ZHX2: variants seen among roughly 807,000 people sequenced by gnomAD.
The protein encoded by ZHX2 is zinc fingers and homeoboxes 2, also known as zinc fingers and homeoboxes protein 2.
A neutral mutation model predicts 21.9 loss-of-function variants in ZHX2; 6 were observed. The observed-to-expected ratio is 0.27, with a 90% CI of 0.15 to 0.54. The LOEUF (loss-of-function observed/expected upper bound fraction) is 0.54, where lower values mean the gene tolerates loss of function less well. Ranked by LOEUF, ZHX2 falls within the 20% of genes least tolerant of loss-of-function variation. The pLI, the probability that ZHX2 is intolerant of heterozygous loss-of-function variation, is 0.95. For synonymous variants in ZHX2, 434 were observed against 437.1 expected, an observed-to-expected ratio of 0.99 and a Z score of 0.09; for missense variants, 908 against 1,090.7, an observed-to-expected ratio of 0.83 and a Z score of 2.36.
chr8:122,816,442 C>CT (rs1818036375), intron 1 of ZHX2: 1 of 138,210 alleles, frequency 7.2e-6, no homozygotes, highest in African/African-American at 2.9e-5. Context: ...AATAATGAAT[C>CT]TATCTTTTTT....
At chr8:122,814,360 T>C (rs1817988775) in intron 1 of ZHX2, among the ~76,000 whole-genome samples, 1 of 152,246 alleles carries the variant, frequency 6.6e-6, no homozygotes, top group Non-Finnish European at 1.5e-5. Context: ...TAGGAGTTCA[T>C]GTTGATATTA....
At chr8:122,921,943 A>G (rs1820751639) in intron 2 of ZHX2, among the ~76,000 whole-genome samples, 2 of 152,212 alleles carry the variant, frequency 1.3e-5, no homozygotes, top group Admixed American at 1.3e-4. Flanking sequence ...GGATTAAAAG[A>G]GAATTGAAGA....
chr8:122,966,549 T>C (rs1445097272), intron 3 of ZHX2, among the ~76,000 whole-genome samples: 1 of 152,362 alleles, frequency 6.6e-6, no homozygotes, highest in Non-Finnish European at 1.5e-5. Context: ...TTTTCCTTTA[T>C]AGGTTACCTG....
intron 1 of ZHX2, among the ~76,000 whole-genome samples, chr8:122,832,629 A>G (rs1034766548): frequency 6.6e-6 from 1 of 152,194 alleles, no homozygotes; most frequent in South Asian, 2.1e-4. Flanking sequence ...TTAGCAGCTT[A>G]GTATAACGGT....
chr8:122,867,393 G>A (rs1402102712), intron 2 of ZHX2, among the ~76,000 whole-genome samples: 1 of 152,176 alleles, frequency 6.6e-6, no homozygotes, highest in East Asian at 1.9e-4. Context: ...CAGGACCTGT[G>A]CTTAGCAGGT....
At chr8:122,838,147 G>C (rs1818545155) in intron 1 of ZHX2, among the ~76,000 whole-genome samples, 1 of 152,246 alleles carries the variant, frequency 6.6e-6, no homozygotes, top group African/African-American at 2.4e-5. Flanking sequence ...TCAGTTTGCA[G>C]AGCAAGGGAA....
chr8:122,843,959 TCACACACACA>T lies in ZHX2; in HGVS notation c.-282-19495_-282-19486del, dbSNP rs3221811. On this transcript the variant is annotated intron_variant, in intron 1 of 3. Transcript: ENST00000314393. ...ACACTTCGCTTTTTGTTCTCACCCT[TCACACACACA>T]CACACACACACACACACACACATCA... is the stretch of plus-strand genomic sequence containing the variant. 1.5e-4 allele frequency among the ~76,000 whole-genome samples: 23 copies of T among 148,936 alleles called. No individual in the cohort carries two copies. The East Asian group carries it at 2.6e-3, about 17-fold the overall frequency.
chr8:122,951,426 GCCTTTCA>G lies in ZHX2; in HGVS notation c.-80_-74del, dbSNP rs1813106310. The G allele has an allele frequency of 8.0e-7, 1 of 1,249,842 alleles. No homozygotes were observed. Among genetic ancestry groups the G allele is most frequent in the East Asian group, 2.5e-5 (1 of 39,482 alleles). 77.4% of individuals were successfully genotyped at this position (1,249,842 alleles called of 1,614,324 possible). A position where few individuals can be genotyped will look rare whatever the true frequency, so the allele number is the denominator to read the frequency against. The stretch of plus-strand genomic sequence containing the variant: ...CATTTGAGGGGGAATAAAGCCAAAA[GCCTTTCA>G]CCTTATTCGTTCCAAGAATCTCACC... On this transcript the variant is annotated 5_prime_UTR_variant, in exon 3 of 4. Coordinates refer to ENST00000314393, the MANE Select transcript of ZHX2 (RefSeq NM_014943.5).
intron 2 of ZHX2, among the ~76,000 whole-genome samples, chr8:122,922,760 T>C (rs1356604302): frequency 6.6e-6 from 1 of 152,216 alleles, no homozygotes; most frequent in South Asian, 2.1e-4. Flanking sequence ...TTGCTCAACA[T>C]CTCTGAGCTT....
intron 2 of ZHX2, among the ~76,000 whole-genome samples, chr8:122,922,891 C>T (rs1820771994): frequency 6.6e-6 from 1 of 152,222 alleles, no homozygotes; most frequent in African/African-American, 2.4e-5. Context: ...AATAGAGATT[C>T]TTTTCCCTTC....
chr8:122,781,294 C>T (rs1043874035), upstream of ZHX2: 1 of 152,254 alleles, frequency 6.6e-6, no homozygotes, highest in Admixed American at 6.5e-5. The surrounding 1 kb of genome is among the most constrained non-coding windows in gnomAD (Gnocchi z 4.6). Context: ...TCAGTGACAC[C>T]TTGAACTTTT....
chr8:122,946,250 G>A (rs1338929213), intron 2 of ZHX2, among the ~76,000 whole-genome samples: 2 of 151,840 alleles, frequency 1.3e-5, no homozygotes, highest in African/African-American at 4.8e-5. Context: ...GGTGGTTCAC[G>A]GGCTTTCAAA....
Position 122,952,305 on chromosome 8 carries a change from C to T in ZHX2, c.795C>T (p.Thr265=). ...VPKVPVPLNT[T]KYNSALDTNA... ...AGGTCCCTGTCCCACTAAATACTAC[C>T]AAATACAACTCTGCCCTGGATACAA... The change falls in exon 3 of 4, where the codon ACC becomes ACT. Residue 265 remains threonine, a synonymous_variant. Coordinates refer to ENST00000314393, the MANE Select transcript of ZHX2 (RefSeq NM_014943.5). The surrounding 1 kb of genome is among the most constrained non-coding windows in gnomAD (Gnocchi z 6.9). The T allele has an allele frequency of 1.2e-6, 2 of 1,614,120 alleles. No individual in the cohort carries two copies. Among genetic ancestry groups the T allele is most frequent in the Non-Finnish European group, 1.7e-6 (2 of 1,180,030 alleles).
chr8:122,799,352 A>G (rs1006643232), intron 1 of ZHX2, among the ~76,000 whole-genome samples: 1 of 152,170 alleles, frequency 6.6e-6, no homozygotes, highest in Admixed American at 6.5e-5. Context: ...CTAAGTAGCC[A>G]TGGAACCTGG....
chr8:122,925,306 G>A (rs537143811), intron 2 of ZHX2, among the ~76,000 whole-genome samples: 33 of 152,308 alleles, frequency 2.2e-4, no homozygotes, highest in Admixed American at 8.5e-4. Flanking sequence ...GATAGGCAGC[G>A]TAGAGGAGGA....
At chr8:122,824,453 G>A (rs140842065) in intron 1 of ZHX2, among the ~76,000 whole-genome samples, 255 of 152,276 alleles carry the variant, frequency 1.7e-3, no homozygotes, top group African/African-American at 5.9e-3. Context: ...AAATTCTACC[G>A]AACATGCTCG....
intron 2 of ZHX2, among the ~76,000 whole-genome samples, chr8:122,943,527 A>G (rs1812897517): frequency 6.6e-6 from 1 of 152,174 alleles, no homozygotes; most frequent in African/African-American, 2.4e-5. Context: ...TTGTTGGGGA[A>G]TTGATTAAGG....
At chr8:122,937,634 C>T (rs1812731729) in intron 2 of ZHX2, among the ~76,000 whole-genome samples, 1 of 151,088 alleles carries the variant, frequency 6.6e-6, no homozygotes. Context: ...GGCTGGAGTG[C>T]TGTGGCGCTG....
intron 2 of ZHX2, among the ~76,000 whole-genome samples, chr8:122,904,755 T>A (rs527446980): frequency 6.6e-6 from 1 of 152,326 alleles, no homozygotes; most frequent in Admixed American, 6.5e-5. Context: ...TAACCAGGTT[T>A]CAGTTTTCAA....
Sources: gnomAD v4.1 joint callset for allele counts (sites outside exome capture counted in the v4.1 genomes callset) on GRCh38, gnomAD v4.1.1 for gene constraint, Gnocchi (gnomAD v3.1) non-coding constraint, MANE v1.5 for transcripts, NCBI Gene and HGNC (gene_info 2026-07-23, HGNC 2026-07-21) for gene names.